The following PDCD6IP variants were observed in gnomAD, a reference collection of about 807,000 sequenced individuals.
The protein encoded by PDCD6IP is programmed cell death 6 interacting protein.
PDCD6IP carries 43 observed loss-of-function variants against 103.7 expected under a neutral mutation model. The observed-to-expected ratio is 0.41, with a 90% CI of 0.32 to 0.53. PDCD6IP has a LOEUF of 0.53. Among genes scored for constraint, PDCD6IP ranks in the 20% least tolerant of loss-of-function variants. The pLI, the probability that PDCD6IP is intolerant of heterozygous loss-of-function variation, is 0.16. For synonymous variants in PDCD6IP, 354 were observed against 378.7 expected, an observed-to-expected ratio of 0.93 and a Z score of 0.76; for missense variants, 871 against 1,036.7, an observed-to-expected ratio of 0.84 and a Z score of 2.20.
chr3:33,863,260 C>T (rs1462107458), intron 15 of PDCD6IP, among the ~76,000 whole-genome samples: 4 of 152,120 alleles, frequency 2.6e-5, no homozygotes, highest in African/African-American at 7.2e-5. Context: ...TCATCTCAAA[C>T]GTTTATCATT....
chr3:33,810,324 G>T (rs924870206), intron 1 of PDCD6IP, among the ~76,000 whole-genome samples: 1 of 152,112 alleles, frequency 6.6e-6, no homozygotes, highest in African/African-American at 2.4e-5. Flanking sequence ...TTGGTTCAGT[G>T]CTTAGCCATT....
intron 1 of PDCD6IP, among the ~76,000 whole-genome samples, chr3:33,806,980 G>A (rs779799700): frequency 6.6e-6 from 1 of 152,138 alleles, no homozygotes; most frequent in Non-Finnish European, 1.5e-5. Flanking sequence ...TTGCCCTCCT[G>A]TTGTACTTTT....
intron 6 of PDCD6IP, chr3:33,827,898 T>G (rs997912635): frequency 3.3e-5 from 5 of 152,214 alleles, no homozygotes; most frequent in Admixed American, 2.0e-4. Context: ...AACTGAAAAG[T>G]CTGCAAGTAG....
intron 7 of PDCD6IP, chr3:33,835,354 A>G (rs929273527): frequency 1.3e-5 from 6 of 454,398 alleles, no homozygotes; most frequent in African/African-American, 1.2e-4. Context: ...TGGTTTCCAG[A>G]CCCTTGTTTC....
intron 16 of PDCD6IP, 75 bp downstream of exon 16, chr3:33,864,204 G>A (rs1698017343): frequency 1.3e-5 from 12 of 905,830 alleles, no homozygotes; most frequent in Admixed American, 2.2e-5. Flanking sequence ...GATAAAACAT[G>A]ATTTACATAG....
chr3:33,851,497 G>A (rs1009448797), intron 12 of PDCD6IP, among the ~76,000 whole-genome samples: 2 of 151,910 alleles, frequency 1.3e-5, no homozygotes, highest in African/African-American at 4.8e-5. Context: ...TTTGAGACAG[G>A]GTTTCTCTCT....
At chr3:33,844,600 CCTCCTG>C (rs2125568022) in intron 11 of PDCD6IP, among the ~76,000 whole-genome samples, 1 of 152,246 alleles carries the variant, frequency 6.6e-6, no homozygotes, top group African/African-American at 2.4e-5. Context: ...TCTACCTCAA[CCTCCTG>C]AGTAGCTGAC....
chr3:33,828,632 A>C (rs190721115), intron 6 of PDCD6IP: 1 of 332,670 alleles, frequency 3.0e-6, no homozygotes, highest in East Asian at 5.0e-5. Flanking sequence ...AGTTAAAAAA[A>C]ACCCCTTCAA....
chr3:33,802,124 TC>T (rs1696488613), intron 1 of PDCD6IP, among the ~76,000 whole-genome samples: 1 of 152,186 alleles, frequency 6.6e-6, no homozygotes. Flanking sequence ...GGGCTCAGAT[TC>T]CTTTCAGCTT....
At chr3:33,805,029 G>A (rs1351489495) in intron 1 of PDCD6IP, among the ~76,000 whole-genome samples, 5 of 152,228 alleles carry the variant, frequency 3.3e-5, no homozygotes, top group Admixed American at 3.3e-4. Context: ...TGGATTGGTT[G>A]TTCTTGATCC....
At chr3:33,860,480 A>G (rs1381281352) in intron 15 of PDCD6IP, among the ~76,000 whole-genome samples, 1 of 152,214 alleles carries the variant, frequency 6.6e-6, no homozygotes, top group Non-Finnish European at 1.5e-5. Context: ...ACCAGCACTT[A>G]AATCAATACA....
At position 33,865,439 on chromosome 3, in the gene PDCD6IP, G is replaced by A. The variant is rs778075013; in HGVS notation, c.2432+9G>A. On this transcript the variant is annotated intron_variant, in intron 17 of 17. Transcript: ENST00000307296. ...TATCCAGGATATCCTGGGTAAGGCTGCAACATTGTGTATCCCAAGTTGGCT... is the reference window on the plus strand; with the variant it reads ...TATCCAGGATATCCTGGGTAAGGCTACAACATTGTGTATCCCAAGTTGGCT... The A allele has an allele frequency of 1.3e-6, 2 of 1,572,482 alleles. No individual in the cohort carries two copies. The highest frequency in any genetic ancestry group is 8.6e-7 in the Non-Finnish European group (1 of 1,163,660).
In PDCD6IP at chr3:33,802,266, C is replaced by G. The variant is rs546528724; in HGVS notation, c.209+3329C>G. On this transcript the variant is annotated intron_variant, in intron 1 of 17. Transcript: ENST00000307296. ...TTTCCTGGCAACTGTTCCACAACAC[C>G]CTGCCTATATGTTACCGGCCATTTT... Among the ~76,000 whole-genome samples, 21 of 152,242 alleles carry G rather than the reference C, an allele frequency of 1.4e-4. No individual in the cohort carries two copies. In the South Asian group the frequency reaches 4.4e-3, roughly 32 times the overall value.
intron 12 of PDCD6IP, among the ~76,000 whole-genome samples, chr3:33,848,471 C>A (rs1697644251): frequency 6.6e-6 from 1 of 151,094 alleles, no homozygotes; most frequent in South Asian, 2.1e-4. Flanking sequence ...GTGGCGCAAT[C>A]TTGGCTCACT....
rs1026490143 is a variant in PDCD6IP, at chr3:33,818,147, A to G, written c.335-3808A>G. Among the ~76,000 whole-genome samples the G allele has an allele frequency of 6.1e-5, 7 of 114,582 alleles. No homozygotes were observed. In the Admixed American group the frequency reaches 6.6e-4, roughly 11 times the overall value. The allele number at this position is 114,582 out of a possible 152,430, so 75.2% of individuals were successfully genotyped here. A position where few individuals can be genotyped will look rare whatever the true frequency, so the allele number is the denominator to read the frequency against. ...GGAGAACAGTCTTGCTCTGTTGCCC[A>G]GGGTGGATGGAGGGCAGTGGCATGA... On this transcript the variant is annotated intron_variant, in intron 3 of 17. Coordinates refer to ENST00000307296, the MANE Select transcript of PDCD6IP (RefSeq NM_013374.6).
intron 7 of PDCD6IP, among the ~76,000 whole-genome samples, chr3:33,831,940 A>C (rs1313823401): frequency 5.3e-5 from 8 of 152,114 alleles, no homozygotes; most frequent in African/African-American, 1.9e-4. Flanking sequence ...ATTGTACTTC[A>C]CTGTGTAAGC....
chr3:33,820,129 C>G (rs1178122473), intron 3 of PDCD6IP, among the ~76,000 whole-genome samples: 2 of 152,022 alleles, frequency 1.3e-5, no homozygotes, highest in Non-Finnish European at 2.9e-5. Flanking sequence ...ACAAAAGATA[C>G]AAAAATTAGC....
At chr3:33,812,783 G>A in intron 2 of PDCD6IP, among the ~76,000 whole-genome samples, 1 of 152,140 alleles carries the variant, frequency 6.6e-6, no homozygotes, top group East Asian at 1.9e-4. Context: ...GTAGGTGGCT[G>A]GAGGCAGGGC....
intron 3 of PDCD6IP, among the ~76,000 whole-genome samples, chr3:33,818,097 GTTTTTTTTTTTT>G (rs756780125): frequency 4.4e-5 from 3 of 68,082 alleles, no homozygotes; most frequent in East Asian, 5.2e-4. Flanking sequence ...TTTCATTCTT[GTTTTTTTTTTTT>G]TTTTTTTTTT....
Sources: allele counts gnomAD v4.1 joint callset (sites outside exome capture counted in the v4.1 genomes callset), GRCh38; gene constraint gnomAD v4.1.1; transcripts MANE v1.5; gene names NCBI Gene and HGNC (gene_info 2026-07-23, HGNC 2026-07-21).